MPPED1: variants seen among roughly 807,000 people sequenced by gnomAD.
MPPED1 encodes metallophosphoesterase domain containing 1, also known as metallophosphoesterase domain-containing protein 1.
In MPPED1, 16 loss-of-function variants were observed where a neutral mutation model predicts 36.2. That is an observed-to-expected ratio of 0.44 (90% CI 0.30 to 0.67). The LOEUF is 0.67. MPPED1 is among the 30% of genes least tolerant of loss of function. The pLI, the probability that MPPED1 is intolerant of heterozygous loss-of-function variation, is 0.10. For missense variants in MPPED1, 307 were observed against 453.4 expected, an observed-to-expected ratio of 0.68 and a Z score of 2.93; for synonymous variants, 199 against 191.3, an observed-to-expected ratio of 1.04 and a Z score of -0.33.
At chr22:43,499,315 T>TGGG (rs1569090976) in intron 5 of MPPED1, among the ~76,000 whole-genome samples, 3 of 108,306 alleles carry the variant, frequency 2.8e-5, no homozygotes, top group Non-Finnish European at 4.1e-5. Flanking sequence ...GTGATAGAAG[T>TGGG]GGTGACGTGG....
intron 4 of MPPED1, among the ~76,000 whole-genome samples, chr22:43,480,142 G>A (rs1487215606): frequency 6.6e-6 from 1 of 152,164 alleles, no homozygotes; most frequent in Non-Finnish European, 1.5e-5. Flanking sequence ...TGACTTCCTT[G>A]TTTGTTGAGC....
chr22:43,482,641 G>C (rs1047436860), intron 4 of MPPED1, among the ~76,000 whole-genome samples: 1 of 152,258 alleles, frequency 6.6e-6, no homozygotes, highest in African/African-American at 2.4e-5. Context: ...ATTGAAGGAG[G>C]TCCTGTGTGC....
intron 3 of MPPED1, among the ~76,000 whole-genome samples, chr22:43,469,399 G>A (rs1931285832): frequency 7.3e-6 from 1 of 136,826 alleles, no homozygotes; most frequent in Non-Finnish European, 1.6e-5. Context: ...TTTAGATGGA[G>A]GGTTGTGATG....
At chr22:43,446,272 T>G (rs1433042811) in intron 3 of MPPED1, among the ~76,000 whole-genome samples, 1 of 152,240 alleles carries the variant, frequency 6.6e-6, no homozygotes, top group African/African-American at 2.4e-5. Context: ...AACAGATGTT[T>G]CCTGAGCACA....
chr22:43,501,452 TC>T (rs1265911290), intron 5 of MPPED1, among the ~76,000 whole-genome samples: 16 of 151,896 alleles, frequency 1.1e-4, no homozygotes, highest in Non-Finnish European at 1.6e-4. Flanking sequence ...CTTCCTGCTC[TC>T]CAGACGCCCC....
rs375787111 is a variant in MPPED1 at position 43,424,993 on chromosome 22, G to A, written c.8G>A (p.Arg3His). The change falls in exon 2 of 7, where the codon CGC (arginine) becomes CAC (histidine). Residue 3 changes from arginine to histidine, a missense_variant. By Grantham distance (29) the Arg-to-His change is conservative (BLOSUM62 0). Coordinates refer to ENST00000443721, the MANE Select transcript of MPPED1 (RefSeq NM_001044370.2). ...GGCGGCCGGCGGAGGTCCATGTGGC[G>A]CTCTAGGTGGGATGCCAGCGTCCTG... MW[R>H]SRWDASVLKA... is the part of the protein sequence containing the mutation. 17 of 1,595,774 alleles carry A rather than the reference G, an allele frequency of 1.1e-5. No homozygotes were observed. The highest frequency in any genetic ancestry group is 8.0e-5 in the African/African-American group (6 of 74,620).
chr22:43,457,597 T>C (rs1452355423), intron 3 of MPPED1, among the ~76,000 whole-genome samples: 1 of 152,168 alleles, frequency 6.6e-6, no homozygotes, highest in Non-Finnish European at 1.5e-5. Flanking sequence ...TCTTTTCTTC[T>C]ATTACTGCCT....
At chr22:43,437,256 C>T (rs1264960965) in intron 3 of MPPED1, among the ~76,000 whole-genome samples, 4 of 152,158 alleles carry the variant, frequency 2.6e-5, no homozygotes, top group Non-Finnish European at 4.4e-5. Flanking sequence ...CTATTTGGTG[C>T]GTTTGGACAG....
chr22:43,482,036 T>C (rs1931765642), intron 4 of MPPED1, among the ~76,000 whole-genome samples: 1 of 152,104 alleles, frequency 6.6e-6, no homozygotes, highest in African/African-American at 2.4e-5. Context: ...GCAGCCGGTG[T>C]TGGGCCTTCG....
At chr22:43,484,114 G>A (rs1931836324) in intron 4 of MPPED1, among the ~76,000 whole-genome samples, 1 of 152,258 alleles carries the variant, frequency 6.6e-6, no homozygotes, top group Non-Finnish European at 1.5e-5. Context: ...AGTGCTGCTT[G>A]CATGTTGCCT....
At chr22:43,487,578 C>T (rs954813324) in intron 4 of MPPED1, among the ~76,000 whole-genome samples, 2 of 152,164 alleles carry the variant, frequency 1.3e-5, no homozygotes, top group Admixed American at 1.3e-4. Flanking sequence ...GCCAGGGGTG[C>T]AGGCCTCTTC....
chr22:43,474,587 A>G lies in MPPED1; in HGVS notation c.407-149A>G, dbSNP rs1431655021. 8.6e-6 allele frequency: 13 copies of G among 1,507,878 alleles called. No homozygotes were observed. In the East Asian group the frequency reaches 1.4e-4, roughly 16 times the overall value. 93.4% of individuals were successfully genotyped at this position (1,507,878 alleles called of 1,614,324 possible). A position where few individuals can be genotyped will look rare whatever the true frequency, so the allele number is the denominator to read the frequency against. On this transcript the variant is annotated intron_variant, in intron 3 of 6. Coordinates refer to ENST00000443721, the MANE Select transcript of MPPED1 (RefSeq NM_001044370.2). This position sits in a 1 kb window ranked among gnomAD's most constrained non-coding sequence, Gnocchi z 5.2. ...CCTGCAGGCAGCCTGCCCTATGAGTACAAGATCGTGATCGCGGGCAACCAC... is the reference window on the plus strand; with the variant it reads ...CCTGCAGGCAGCCTGCCCTATGAGTGCAAGATCGTGATCGCGGGCAACCAC...
chr22:43,454,771 G>A (rs528351874), intron 3 of MPPED1, among the ~76,000 whole-genome samples: 4 of 152,178 alleles, frequency 2.6e-5, no homozygotes, highest in South Asian at 2.1e-4. Flanking sequence ...GGCTGGTCTC[G>A]AACTCATGAC....
At chr22:43,421,317 C>T (rs1354445933) in intron 1 of MPPED1, among the ~76,000 whole-genome samples, 5 of 152,228 alleles carry the variant, frequency 3.3e-5, no homozygotes, top group Admixed American at 6.5e-5. Flanking sequence ...TCCAGTTTCC[C>T]GGATTTCTCT....
intron 4 of MPPED1, among the ~76,000 whole-genome samples, chr22:43,496,006 G>A (rs1329613221): frequency 1.7e-5 from 2 of 114,450 alleles, no homozygotes; most frequent in Admixed American, 9.1e-5. Context: ...TGGTGGAGAT[G>A]GTGGTGGTGG....
chr22:43,427,991 T>G (rs1205628877), intron 2 of MPPED1, among the ~76,000 whole-genome samples: 1 of 152,064 alleles, frequency 6.6e-6, no homozygotes, highest in Non-Finnish European at 1.5e-5. Flanking sequence ...TAAATCCTCG[T>G]AGAGAAGGCG....
At chr22:43,433,610 G>A (rs1228891839) in intron 2 of MPPED1, among the ~76,000 whole-genome samples, 1 of 151,112 alleles carries the variant, frequency 6.6e-6, no homozygotes, top group East Asian at 1.9e-4. Flanking sequence ...CCCCGGGTGC[G>A]CGCTCCCGCC....
Position 43,507,590 on chromosome 22 carries a change from C to T in MPPED1, c.*1974C>T, listed in dbSNP as rs971944980. The T allele has an allele frequency of 3.9e-5, 6 of 152,134 alleles. No homozygotes were observed. Among genetic ancestry groups the T allele is most frequent in the Non-Finnish European group, 7.3e-5 (5 of 68,028 alleles). 9.4% of individuals were successfully genotyped at this position (152,134 alleles called of 1,614,324 possible). A position where few individuals can be genotyped will look rare whatever the true frequency, so the allele number is the denominator to read the frequency against. Reference sequence around the variant, plus strand: ...AGGCCCTTTCAGTGCCAGCTCCACTCAATTTCTATGTGGACCAAGAACGAT... The same window carrying T: ...AGGCCCTTTCAGTGCCAGCTCCACTTAATTTCTATGTGGACCAAGAACGAT... On this transcript the variant is annotated 3_prime_UTR_variant, in exon 7 of 7. Transcript: ENST00000443721.
intron 5 of MPPED1, among the ~76,000 whole-genome samples, chr22:43,501,696 A>G (rs977544401): frequency 3.9e-5 from 6 of 152,086 alleles, no homozygotes; most frequent in African/African-American, 1.4e-4. Context: ...AGGCACAGAG[A>G]GGTTAAGTGG....
Sources: gnomAD v4.1 joint callset for allele counts (sites outside exome capture counted in the v4.1 genomes callset) on GRCh38, gnomAD v4.1.1 for gene constraint, Gnocchi (gnomAD v3.1) non-coding constraint, MANE v1.5 for transcripts, NCBI Gene and HGNC (gene_info 2026-07-23, HGNC 2026-07-21) for gene names.